PTPRM: variants seen among roughly 807,000 people sequenced by gnomAD.
PTPRM encodes the protein protein tyrosine phosphatase receptor type M, also known as receptor-type tyrosine-protein phosphatase mu.
PTPRM carries 47 observed loss-of-function variants against 186.7 expected under a neutral mutation model. The ratio of observed to expected loss-of-function variants is 0.25; its 90% CI spans 0.20 to 0.32. The LOEUF is 0.32. Ranked by LOEUF, PTPRM falls within the 10% of genes least tolerant of loss-of-function variation. PTPRM has a pLI of 1.00. For synonymous variants in PTPRM, 668 were observed against 674.9 expected, an observed-to-expected ratio of 0.99 and a Z score of 0.16; for missense variants, 1,494 against 1,865.0, an observed-to-expected ratio of 0.80 and a Z score of 3.66.
At position 7,888,197 on chromosome 18, in the gene PTPRM, C is replaced by T; in HGVS notation, c.288C>T (p.Cys96=). ...LPQLKENDTH[C]IDFHYFVSSK... is the part of the protein sequence containing the mutation. ...AACTTAAAGAAAATGACACCCACTG[C>T]ATCGATTTTCACTATTTTGTGTCCA... The change falls in exon 3 of 33, where the codon TGC becomes TGT. Residue 96 remains cysteine, a synonymous_variant. Transcript: ENST00000580170. 6.2e-7 allele frequency: 1 copy of T among 1,614,130 alleles called. No individual in the cohort carries two copies. The highest frequency in any genetic ancestry group is 8.5e-7 in the Non-Finnish European group (1 of 1,180,014).
At chr18:7,607,545 C>G (rs1395772554) in intron 1 of PTPRM, among the ~76,000 whole-genome samples, 1 of 152,178 alleles carries the variant, frequency 6.6e-6, no homozygotes, top group African/African-American at 2.4e-5. Context: ...AGATAAATTA[C>G]TTAACCTCTT....
At chr18:7,936,027 G>A (rs2051783802) in intron 5 of PTPRM, among the ~76,000 whole-genome samples, 1 of 152,194 alleles carries the variant, frequency 6.6e-6, no homozygotes, top group Non-Finnish European at 1.5e-5. Context: ...TGCTCTTCTT[G>A]CTTCCAAGTA....
chr18:7,941,716 C>G (rs760733684), intron 5 of PTPRM, among the ~76,000 whole-genome samples: 11 of 152,200 alleles, frequency 7.2e-5, no homozygotes, highest in Non-Finnish European at 1.3e-4. Context: ...TGCCAACGAG[C>G]AGCTGCGACT....
At position 8,248,176 on chromosome 18, in the gene PTPRM, G is replaced by C; in HGVS notation, c.2554G>C (p.Val852Leu). 1 of 1,530,242 alleles carries C rather than the reference G, an allele frequency of 6.5e-7. No individual in the cohort carries two copies. Among genetic ancestry groups the C allele is most frequent in the Non-Finnish European group, 9.1e-7 (1 of 1,103,792 alleles). The allele number at this position is 1,530,242 out of a possible 1,614,324, so 94.8% of individuals were successfully genotyped here. A position where few individuals can be genotyped will look rare whatever the true frequency, so the allele number is the denominator to read the frequency against. Residue 852 changes from valine (V) to leucine (L), a missense_variant and splice_region_variant, in exon 17 of 33, where the codon GTG becomes CTG. Physicochemically the swap from Val to Leu is conservative, Grantham distance 32 (BLOSUM62 1). Transcript: ENST00000580170. ...CCCATTTGTGCCAACTGCAATTTTA[G>C]GTGAGAACATTTCCCTTTACCACAG... ...PDPFVPTAIL[V>L]PINDETHTMA... is the part of the protein sequence containing the mutation.
At chr18:8,223,664 G>T (rs1001481060) in intron 14 of PTPRM, among the ~76,000 whole-genome samples, 8 of 152,228 alleles carry the variant, frequency 5.3e-5, no homozygotes, top group African/African-American at 1.4e-4. Context: ...GATGCTTTGG[G>T]CTCAGTTTTG....
At chr18:8,109,344 C>A (rs184135645) in intron 11 of PTPRM, among the ~76,000 whole-genome samples, 5 of 152,212 alleles carry the variant, frequency 3.3e-5, no homozygotes, top group Admixed American at 3.3e-4. Context: ...TATTAAAGAG[C>A]AAATAGATTT....
At chr18:8,289,209 C>CA (rs2094993693) in intron 19 of PTPRM, among the ~76,000 whole-genome samples, 1 of 151,830 alleles carries the variant, frequency 6.6e-6, no homozygotes, top group Non-Finnish European at 1.5e-5. Context: ...TTAAAATGCT[C>CA]ACCCCCCAAT....
At chr18:7,959,226 A>C (rs1410538361) in intron 7 of PTPRM, among the ~76,000 whole-genome samples, 1 of 152,250 alleles carries the variant, frequency 6.6e-6, no homozygotes, top group Non-Finnish European at 1.5e-5. Context: ...TAATATTTTC[A>C]TTCAGAAGAA....
intron 9 of PTPRM, among the ~76,000 whole-genome samples, chr18:8,078,908 C>T (rs1245430402): frequency 2.0e-5 from 3 of 152,174 alleles, no homozygotes; most frequent in Non-Finnish European, 4.4e-5. Context: ...CAAAGCCGTT[C>T]ACGAAGGTTC....
chr18:7,973,984 T>C (rs558319614), intron 7 of PTPRM, among the ~76,000 whole-genome samples: 3 of 150,672 alleles, frequency 2.0e-5, no homozygotes, highest in Admixed American at 2.0e-4. Flanking sequence ...AAAAAAGACT[T>C]GAGGGGAAGA....
chr18:7,880,218 C>T (rs2048436695), intron 2 of PTPRM, among the ~76,000 whole-genome samples: 1 of 152,276 alleles, frequency 6.6e-6, no homozygotes, highest in African/African-American at 2.4e-5. Flanking sequence ...CAAGCCATAT[C>T]AGAGAGTAAA....
chr18:8,029,259 C>G (rs551339938), intron 7 of PTPRM, among the ~76,000 whole-genome samples: 20 of 151,464 alleles, frequency 1.3e-4, no homozygotes, highest in Non-Finnish European at 2.2e-4. Flanking sequence ...GTGCCTCCCC[C>G]ACACCTGTCC....
At chr18:7,909,241 C>A (rs113443373) in intron 4 of PTPRM, among the ~76,000 whole-genome samples, 511 of 152,290 alleles carry the variant, frequency 3.4e-3, no homozygotes, top group African/African-American at 0.011. Context: ...ATGTCTCAAG[C>A]AATTTTGTTC....
intron 13 of PTPRM, among the ~76,000 whole-genome samples, chr18:8,120,659 C>G (rs2092137890): frequency 6.6e-6 from 1 of 151,922 alleles, no homozygotes; most frequent in South Asian, 2.1e-4. Flanking sequence ...CCACGCTAGA[C>G]TAATTTTTGT....
chr18:8,036,758 C>G (rs2086358639), intron 7 of PTPRM, among the ~76,000 whole-genome samples: 1 of 152,152 alleles, frequency 6.6e-6, no homozygotes, highest in Admixed American at 6.5e-5. Flanking sequence ...TGAGCTCCTG[C>G]AACATTGAAG....
rs541243058 is a variant in PTPRM, at chr18:8,165,706, A to G, written c.2300+21927A>G. Among the ~76,000 whole-genome samples the G allele has an allele frequency of 3.9e-5, 6 of 152,318 alleles. No homozygotes were observed. The East Asian group carries it at 9.6e-4, about 24-fold the overall frequency. On this transcript the variant is annotated intron_variant, in intron 14 of 32. Transcript: ENST00000580170. ...TGTCAGGCCAGTCGCTTCCATGGCT[A>G]TCAATTTTTGATCTTCTTTACTAGT...
chr18:7,973,232 A>G (rs556171225), intron 7 of PTPRM, among the ~76,000 whole-genome samples: 27 of 152,220 alleles, frequency 1.8e-4, no homozygotes, highest in African/African-American at 3.4e-4. Context: ...TTCGATTTCT[A>G]TAAGTTAAGT....
At chr18:7,862,740 A>C (rs1181831018) in intron 2 of PTPRM, among the ~76,000 whole-genome samples, 1 of 152,222 alleles carries the variant, frequency 6.6e-6, no homozygotes, top group Non-Finnish European at 1.5e-5. Flanking sequence ...TAAATGTAAC[A>C]AACTCGCAGA....
chr18:8,218,935 A>G (rs1161310559), intron 14 of PTPRM, among the ~76,000 whole-genome samples: 1 of 152,226 alleles, frequency 6.6e-6, no homozygotes, highest in Non-Finnish European at 1.5e-5. Context: ...ATGAATGATC[A>G]TAGCCAGGAT....
Sources: allele counts gnomAD v4.1 joint callset (sites outside exome capture counted in the v4.1 genomes callset), GRCh38; gene constraint gnomAD v4.1.1; transcripts MANE v1.5; gene names NCBI Gene and HGNC (gene_info 2026-07-23, HGNC 2026-07-21).